The following EBF1 variants were observed in gnomAD, a reference collection of about 807,000 sequenced individuals.
The protein encoded by EBF1 is EBF transcription factor 1.
Under a neutral mutation model 68.4 loss-of-function variants are expected in EBF1, and 10 were observed. The observed-to-expected ratio is 0.15, with a 90% CI of 0.09 to 0.25. EBF1 has a LOEUF of 0.25. Among genes scored for constraint, EBF1 ranks in the 10% least tolerant of loss-of-function variants. The pLI is 1.00. For synonymous variants in EBF1, 298 were observed against 299.8 expected, an observed-to-expected ratio of 0.99 and a Z score of 0.06; for missense variants, 509 against 794.4, an observed-to-expected ratio of 0.64 and a Z score of 4.32.
chr5:158,943,403 A>G (rs1214296569), intron 6 of EBF1, among the ~76,000 whole-genome samples: 1 of 152,180 alleles, frequency 6.6e-6, no homozygotes, highest in East Asian at 1.9e-4. Flanking sequence ...CAAGAGAGAA[A>G]AAAGCAGTGC....
chr5:158,760,786 T>G (rs1771256350), intron 10 of EBF1, among the ~76,000 whole-genome samples: 1 of 152,200 alleles, frequency 6.6e-6, no homozygotes. Context: ...TTATTATAGA[T>G]GAGTTGTGTT....
At chr5:158,826,251 G>C (rs904301242) in intron 7 of EBF1, among the ~76,000 whole-genome samples, 1 of 143,498 alleles carries the variant, frequency 7.0e-6, no homozygotes, top group African/African-American at 2.4e-5. Flanking sequence ...GATATGTTTA[G>C]AATTTCACGA....
chr5:159,029,270 A>T (rs1434132172), intron 6 of EBF1, among the ~76,000 whole-genome samples: 2 of 152,228 alleles, frequency 1.3e-5, no homozygotes, highest in Non-Finnish European at 2.9e-5. Flanking sequence ...GTTGGCAAAG[A>T]TTTGAATAAG....
intron 6 of EBF1, among the ~76,000 whole-genome samples, chr5:159,024,818 T>G (rs1302898709): frequency 6.6e-6 from 1 of 152,154 alleles, no homozygotes; most frequent in Non-Finnish European, 1.5e-5. Flanking sequence ...AGCCATTGAG[T>G]CTGGAAGTAG....
intron 14 of EBF1, among the ~76,000 whole-genome samples, chr5:158,709,079 A>T (rs1383680755): frequency 6.6e-6 from 1 of 152,124 alleles, no homozygotes; most frequent in Non-Finnish European, 1.5e-5. Flanking sequence ...CAGGTTAATA[A>T]TCTCTCGGTT....
intron 6 of EBF1, among the ~76,000 whole-genome samples, chr5:159,061,936 C>A (rs2127875695): frequency 6.6e-6 from 1 of 152,208 alleles, no homozygotes; most frequent in Middle Eastern, 3.4e-3. Flanking sequence ...TTTTTGAATG[C>A]TACATTGTTC....
chr5:158,710,857 T>G (rs1213891666), intron 14 of EBF1, among the ~76,000 whole-genome samples: 1 of 152,242 alleles, frequency 6.6e-6, no homozygotes, highest in Non-Finnish European at 1.5e-5. Context: ...CTATCTATCC[T>G]TCCACAAATA....
chr5:158,946,555 G>A (rs1814765659), intron 6 of EBF1, among the ~76,000 whole-genome samples: 1 of 152,170 alleles, frequency 6.6e-6, no homozygotes, highest in Non-Finnish European at 1.5e-5. Context: ...CCTTCCTCTG[G>A]AAGCTTCATC....
At chr5:158,922,230 G>C (rs1056059172) in intron 6 of EBF1, among the ~76,000 whole-genome samples, 6 of 152,200 alleles carry the variant, frequency 3.9e-5, no homozygotes, top group African/African-American at 7.2e-5. Context: ...CAGTAACAGA[G>C]GTCACAGTCT....
At chr5:158,800,823 A>C (rs1780443938) in intron 8 of EBF1, among the ~76,000 whole-genome samples, 3 of 152,168 alleles carry the variant, frequency 2.0e-5, no homozygotes, top group Admixed American at 2.0e-4. Context: ...AAAGAGTTCA[A>C]TTCAGCACAG....
chr5:158,925,326 T>G (rs1348324972), intron 6 of EBF1, among the ~76,000 whole-genome samples: 3 of 152,228 alleles, frequency 2.0e-5, no homozygotes, highest in Non-Finnish European at 2.9e-5. Context: ...CTTGTCTGCC[T>G]GTTCACCTCT....
chr5:158,965,494 T>C lies in EBF1; in HGVS notation c.554+107902A>G, dbSNP rs149887325. Among the ~76,000 whole-genome samples the C allele has an allele frequency of 5.2e-3, 789 of 152,320 alleles. 6 individuals are homozygous for C. The highest frequency in any genetic ancestry group is 0.017 in the African/African-American group (710 of 41,576). ...GAGAGTAGAGACTGCTCTGCAGCTT[T>C]GGATCTTTGCAATTGTTTTTGAAAA... On this transcript the variant is annotated intron_variant, in intron 6 of 15. Coordinates refer to ENST00000313708, the MANE Select transcript of EBF1 (RefSeq NM_024007.5).
intron 6 of EBF1, among the ~76,000 whole-genome samples, chr5:159,038,685 A>T (rs1482382352): frequency 6.6e-6 from 1 of 152,110 alleles, no homozygotes; most frequent in Non-Finnish European, 1.5e-5. Context: ...ACCTCATAAT[A>T]TTTGCGCTGT....
At chr5:159,080,096 C>T (rs930889880) in intron 5 of EBF1, among the ~76,000 whole-genome samples, 4 of 152,092 alleles carry the variant, frequency 2.6e-5, no homozygotes, top group Admixed American at 6.6e-5. Context: ...CCTTGGGAAA[C>T]GACCTCTGAA....
At position 158,696,718 on chromosome 5, in the gene EBF1, C is replaced by T. The variant is rs1451202059; in HGVS notation, c.*2393G>A. ...TCCCCTACCCTCCCACAACTCCCCT[C>T]CCCCACCCACCCCAACCCATAAAAA... On this transcript the variant is annotated 3_prime_UTR_variant, in exon 16 of 16. Coordinates refer to ENST00000313708, the MANE Select transcript of EBF1 (RefSeq NM_024007.5). The T allele has an allele frequency of 6.5e-6, 1 of 153,832 alleles. No individual in the cohort carries two copies. The highest frequency in any genetic ancestry group is 2.7e-5 in the African/African-American group (1 of 37,714). 9.5% of individuals were successfully genotyped at this position (153,832 alleles called of 1,614,324 possible). A position where few individuals can be genotyped will look rare whatever the true frequency, so the allele number is the denominator to read the frequency against.
chr5:158,705,859 C>A (rs987977361), intron 15 of EBF1, among the ~76,000 whole-genome samples: 2 of 152,234 alleles, frequency 1.3e-5, no homozygotes, highest in Admixed American at 6.5e-5. Context: ...GGGGCCTTTT[C>A]TTCTCCAGTG....
intron 11 of EBF1, 129 bp downstream of exon 11, chr5:158,730,940 C>T: frequency 1.3e-6 from 1 of 760,908 alleles, no homozygotes; most frequent in Non-Finnish European, 2.1e-6. Flanking sequence ...GCTTACCTTA[C>T]AGCACCAAAC....
At chr5:158,862,316 T>C (rs927442201) in intron 6 of EBF1, among the ~76,000 whole-genome samples, 5 of 152,064 alleles carry the variant, frequency 3.3e-5, no homozygotes, top group Non-Finnish European at 7.4e-5. Flanking sequence ...ATGGTTTTGA[T>C]AAGTTGGGTT....
intron 10 of EBF1, among the ~76,000 whole-genome samples, chr5:158,744,118 C>T (rs566465952): frequency 6.6e-6 from 1 of 151,914 alleles, no homozygotes; most frequent in Non-Finnish European, 1.5e-5. Context: ...TTGCAGTGAG[C>T]ACTGCAGCCT....
Sources: allele counts gnomAD v4.1 joint callset (sites outside exome capture counted in the v4.1 genomes callset), GRCh38; gene constraint gnomAD v4.1.1; transcripts MANE v1.5; gene names NCBI Gene and HGNC (gene_info 2026-07-23, HGNC 2026-07-21).